Variants in DPP10 observed in about 807,000 individuals in gnomAD.
DPP10 encodes the protein inactive dipeptidyl peptidase 10.
In DPP10, 33 loss-of-function variants were observed where a neutral mutation model predicts 120.9. The ratio of observed to expected loss-of-function variants is 0.27; its 90% CI spans 0.21 to 0.37. The LOEUF (loss-of-function observed/expected upper bound fraction) is 0.37, where lower values mean the gene tolerates loss of function less well. Among genes scored for constraint, DPP10 ranks in the 10% least tolerant of loss-of-function variants. The probability of loss-of-function intolerance (pLI) is 1.00; values close to 1 mark genes in which losing one functional copy is unlikely to be tolerated. For synonymous variants in DPP10, 337 were observed against 326.1 expected, an observed-to-expected ratio of 1.03 and a Z score of -0.36; for missense variants, 816 against 942.8, an observed-to-expected ratio of 0.87 and a Z score of 1.76.
At chr2:115,461,544 G>A (rs2073985799) in intron 3 of DPP10, among the ~76,000 whole-genome samples, 1 of 152,016 alleles carries the variant, frequency 6.6e-6, no homozygotes, top group Non-Finnish European at 1.5e-5. Flanking sequence ...ACACTTATAA[G>A]CAAAAACTGG....
intron 3 of DPP10, among the ~76,000 whole-genome samples, chr2:115,356,166 T>G (rs990327944): frequency 1.3e-5 from 2 of 151,112 alleles, no homozygotes; most frequent in African/African-American, 2.4e-5. Context: ...ATTTTCACAA[T>G]GTTGGTTCTT....
At chr2:114,537,215 T>A (rs139380409) in intron 1 of DPP10, among the ~76,000 whole-genome samples, 62 of 152,314 alleles carry the variant, frequency 4.1e-4, no homozygotes, top group African/African-American at 1.4e-3. Context: ...GGATGTGAGT[T>A]GGATAGAAAC....
At chr2:114,593,482 G>A (rs1322760741) in intron 1 of DPP10, among the ~76,000 whole-genome samples, 1 of 152,198 alleles carries the variant, frequency 6.6e-6, no homozygotes, top group African/African-American at 2.4e-5. Context: ...TGTCTCTGAA[G>A]CTGATTTCCT....
chr2:114,533,379 G>A (rs556436903), intron 1 of DPP10, among the ~76,000 whole-genome samples: 1 of 152,136 alleles, frequency 6.6e-6, no homozygotes, highest in African/African-American at 2.4e-5. Flanking sequence ...TCATATTTGA[G>A]TCACTTCTTA....
intron 1 of DPP10, among the ~76,000 whole-genome samples, chr2:115,226,823 T>A (rs2057457081): frequency 6.6e-6 from 1 of 152,150 alleles, no homozygotes; most frequent in African/African-American, 2.4e-5. Flanking sequence ...CTTGTTTGGA[T>A]CTCAGATTTT....
intron 1 of DPP10, among the ~76,000 whole-genome samples, chr2:114,966,139 T>G (rs1035887739): frequency 6.6e-6 from 1 of 152,198 alleles, no homozygotes; most frequent in African/African-American, 2.4e-5. Context: ...TGTCAAATGC[T>G]TATGATTCAG....
chr2:115,313,232 A>G (rs2061656054), intron 2 of DPP10, among the ~76,000 whole-genome samples: 3 of 151,980 alleles, frequency 2.0e-5, no homozygotes, highest in Admixed American at 6.6e-5. Context: ...AAAAAATAAA[A>G]AAGAGTGGCA....
chr2:114,716,259 T>A (rs572411362), intron 1 of DPP10, among the ~76,000 whole-genome samples: 66 of 152,296 alleles, frequency 4.3e-4, no homozygotes, highest in African/African-American at 1.5e-3. Context: ...CATACCGAAA[T>A]GTTTGATATA....
chr2:115,276,108 A>G (rs1412659921), intron 1 of DPP10, among the ~76,000 whole-genome samples: 2 of 152,090 alleles, frequency 1.3e-5, no homozygotes, highest in South Asian at 4.1e-4. Context: ...ATGTGGAGAG[A>G]ACAATTATAG....
chr2:114,802,290 G>T (rs1684320035), intron 1 of DPP10, among the ~76,000 whole-genome samples: 1 of 151,976 alleles, frequency 6.6e-6, no homozygotes, highest in South Asian at 2.1e-4. Context: ...AAGGGATGAA[G>T]GTATTTATAC....
chr2:114,712,831 A>G (rs945309557), intron 1 of DPP10, among the ~76,000 whole-genome samples: 3 of 152,120 alleles, frequency 2.0e-5, no homozygotes, highest in South Asian at 4.1e-4. Flanking sequence ...ACTACATTAT[A>G]TGGTAAGTCA....
intron 2 of DPP10, among the ~76,000 whole-genome samples, chr2:115,318,225 A>G (rs2061891400): frequency 6.6e-6 from 1 of 152,016 alleles, no homozygotes; most frequent in Admixed American, 6.6e-5. Context: ...TATTGTGTGA[A>G]CCTTCCTTGG....
rs759253382 is a variant in DPP10 at position 115,455,334 on chromosome 2, G to A, written c.272-44176G>A. On this transcript the variant is annotated intron_variant, in intron 3 of 25. Transcript: ENST00000410059. ...CTGGTTTAGAAATTTATGTGAAAAT[G>A]TTAAGGACCTAAAACAGCCATGACA... Among the ~76,000 whole-genome samples the A allele has an allele frequency of 9.4e-4, 142 of 151,854 alleles. 1 individual carries two copies. Among genetic ancestry groups the A allele is most frequent in the Non-Finnish European group, 1.5e-3 (102 of 67,842 alleles).
chr2:115,033,648 C>T (rs1704003095), intron 1 of DPP10, among the ~76,000 whole-genome samples: 1 of 150,400 alleles, frequency 6.6e-6, no homozygotes, highest in Non-Finnish European at 1.5e-5. Context: ...TCACATTCTA[C>T]TCTAATTGTA....
At chr2:115,768,255 A>T (rs375575482) in intron 12 of DPP10, 42 bp from the exon 13 acceptor site, 2 of 1,557,682 alleles carry the variant, frequency 1.3e-6, no homozygotes, top group Non-Finnish European at 8.8e-7. Context: ...CACAGATTGC[A>T]TGTGCCTTTC....
intron 1 of DPP10, among the ~76,000 whole-genome samples, chr2:114,697,945 T>A (rs1357657030): frequency 6.6e-6 from 1 of 152,054 alleles, no homozygotes. Context: ...GTGTCTACAT[T>A]GCCAACATTA....
intron 5 of DPP10, among the ~76,000 whole-genome samples, chr2:115,624,416 A>G (rs2085204656): frequency 6.6e-6 from 1 of 152,182 alleles, no homozygotes. Context: ...AAAGGCAAAA[A>G]CAAGCACTGT....
intron 3 of DPP10, among the ~76,000 whole-genome samples, chr2:115,395,042 A>G (rs1301283365): frequency 6.6e-6 from 1 of 152,094 alleles, no homozygotes; most frequent in Non-Finnish European, 1.5e-5. Flanking sequence ...CACGTACTAC[A>G]CTCTTCACCT....
intron 19 of DPP10, among the ~76,000 whole-genome samples, chr2:115,807,234 T>C (rs895922306): frequency 5.3e-5 from 8 of 152,208 alleles, no homozygotes; most frequent in Admixed American, 5.2e-4. Context: ...CATTAGGAGA[T>C]TGTACATTCC....
Sources: gnomAD v4.1 joint callset for allele counts (sites outside exome capture counted in the v4.1 genomes callset) on GRCh38, gnomAD v4.1.1 for gene constraint, MANE v1.5 for transcripts, NCBI Gene and HGNC (gene_info 2026-07-23, HGNC 2026-07-21) for gene names.